Variants in IMPG2 observed in about 807,000 individuals in gnomAD.
IMPG2 encodes the protein interphotoreceptor matrix proteoglycan 2.
Under a neutral mutation model 129.2 loss-of-function variants are expected in IMPG2, and 91 were observed. That is an observed-to-expected ratio of 0.70 (90% CI 0.59 to 0.84). The LOEUF (loss-of-function observed/expected upper bound fraction) is 0.84, where lower values mean the gene tolerates loss of function less well. Among genes scored for constraint, IMPG2 ranks in the 40% least tolerant of loss-of-function variants. IMPG2 has a pLI of 0.00. For synonymous variants in IMPG2, 510 were observed against 517.7 expected (o/e 0.99, Z 0.20); for missense variants, 1,430 against 1,461.7 (o/e 0.98, Z 0.35).
At chr3:101,242,418 A>G (rs1367011239) in intron 14 of IMPG2, among the ~76,000 whole-genome samples, 1 of 152,192 alleles carries the variant, frequency 6.6e-6, no homozygotes, top group African/African-American at 2.4e-5. Context: ...TCCAGTAGGT[A>G]AATAAAAACC....
rs1706261499 is a variant in IMPG2, at chr3:101,229,477, T to C, written c.3536A>G (p.Gln1179Arg). ...GCTAGCAGAGCTGTAGAAGGGATGC[T>C]GAGGATAGGGTCCCTCATACTTCTC... ...GCEKYEGPYP[Q>R]HPFYSSASGD... The change falls in exon 17 of 19, where the codon CAG becomes CGG. Residue 1179 changes from glutamine (Q) to arginine (R), a missense_variant. Coordinates refer to ENST00000193391, the MANE Select transcript of IMPG2 (RefSeq NM_016247.4). 2 of 1,613,534 alleles carry C rather than the reference T, an allele frequency of 1.2e-6. No homozygotes were observed. Among genetic ancestry groups the C allele is most frequent in the Non-Finnish European group, 8.5e-7 (1 of 1,180,014 alleles).
chr3:101,235,558 CT>C (rs1241362127), intron 14 of IMPG2, among the ~76,000 whole-genome samples: 1 of 152,108 alleles, frequency 6.6e-6, no homozygotes, highest in African/African-American at 2.4e-5. Flanking sequence ...AAAATATAGC[CT>C]TTTTGCTTCC....
chr3:101,270,829 C>T (rs1458233426), intron 7 of IMPG2, among the ~76,000 whole-genome samples: 1 of 152,076 alleles, frequency 6.6e-6, no homozygotes, highest in African/African-American at 2.4e-5. Context: ...GGCAAAAATG[C>T]ATATTTTAAC....
chr3:101,271,124 GT>G (rs1325492377), intron 7 of IMPG2, among the ~76,000 whole-genome samples: 1 of 148,574 alleles, frequency 6.7e-6, no homozygotes, highest in Non-Finnish European at 1.5e-5. Flanking sequence ...ATAAAAAACT[GT>G]TATAATTCTT....
At chr3:101,303,336 G>A (rs1212671524) in intron 3 of IMPG2, among the ~76,000 whole-genome samples, 1 of 152,072 alleles carries the variant, frequency 6.6e-6, no homozygotes, top group South Asian at 2.1e-4. Flanking sequence ...ACATATACAA[G>A]CAATCATCAT....
At position 101,320,270 on chromosome 3, in the gene IMPG2, A is replaced by C. The variant is rs1445102168; in HGVS notation, c.85+18T>G. ...TACAGATATGGAAAGATAAAAACAA[A>C]TGTAGATTTTTAAATACCTGTTAAT... On this transcript the variant is annotated intron_variant, in intron 1 of 18. Transcript: ENST00000193391. 1 of 1,370,840 alleles carries C rather than the reference A, an allele frequency of 7.3e-7. No individual in the cohort carries two copies. Among genetic ancestry groups the C allele is most frequent in the Admixed American group, 1.7e-5 (1 of 59,262 alleles). The allele number at this position is 1,370,840 out of a possible 1,614,324, so 84.9% of individuals were successfully genotyped here.
At chr3:101,296,498 T>C (rs1230525323) in intron 3 of IMPG2, among the ~76,000 whole-genome samples, 1 of 152,220 alleles carries the variant, frequency 6.6e-6, no homozygotes, top group African/African-American at 2.4e-5. Context: ...GCATCAATGT[T>C]CATCAGGGAT....
rs1318000369 is a variant in IMPG2, at chr3:101,224,046, G to A, written c.*2923C>T. 1 of 152,224 alleles carries A rather than the reference G, an allele frequency of 6.6e-6. No homozygotes were observed. The highest frequency in any genetic ancestry group is 6.5e-5 in the Admixed American group (1 of 15,274). The allele number at this position is 152,224 out of a possible 1,614,324, so 9.4% of individuals were successfully genotyped here. On this transcript the variant is annotated 3_prime_UTR_variant, in exon 19 of 19. Transcript: ENST00000193391. Reference sequence around the variant, plus strand: ...TGTAACCCCAGCTACTCAGGAAGCTGAAGCACGAGAATCGCTTGAACCCAG... The same window carrying A: ...TGTAACCCCAGCTACTCAGGAAGCTAAAGCACGAGAATCGCTTGAACCCAG...
intron 3 of IMPG2, among the ~76,000 whole-genome samples, chr3:101,298,306 G>A (rs983757806): frequency 5.9e-5 from 9 of 151,674 alleles, no homozygotes; most frequent in African/African-American, 1.7e-4. Context: ...ATGTCAGATG[G>A]GTCTCCTGAA....
chr3:101,230,895 G>A (rs1706277924), intron 16 of IMPG2, 62 bp downstream of exon 16: 1 of 1,476,266 alleles, frequency 6.8e-7, no homozygotes, highest in Non-Finnish European at 9.4e-7. Flanking sequence ...CACCTGGTAA[G>A]TACTAAATAA....
At chr3:101,243,016 C>T (rs2107218452) in intron 13 of IMPG2, 109 bp from the exon 14 acceptor site, 1 of 838,446 alleles carries the variant, frequency 1.2e-6, no homozygotes, top group South Asian at 1.4e-5. Flanking sequence ...CTCACTTTTC[C>T]TAATTGTATT....
chr3:101,225,738 A>G lies in IMPG2; in HGVS notation c.*1231T>C, dbSNP rs1706214425. 1 of 152,172 alleles carries G rather than the reference A, an allele frequency of 6.6e-6. No individual in the cohort carries two copies. The highest frequency in any genetic ancestry group is 2.4e-5 in the African/African-American group (1 of 41,438). The allele number at this position is 152,172 out of a possible 1,614,324, so 9.4% of individuals were successfully genotyped here. A position where few individuals can be genotyped will look rare whatever the true frequency, so the allele number is the denominator to read the frequency against. On this transcript the variant is annotated 3_prime_UTR_variant, in exon 19 of 19. Transcript: ENST00000193391. ...CTGCATTAATAATAACCTATTGCATATGCAATTTAATATCATGATGATGAT... is the reference window on the plus strand; with the variant it reads ...CTGCATTAATAATAACCTATTGCATGTGCAATTTAATATCATGATGATGAT...
chr3:101,273,613 G>A lies in IMPG2; in HGVS notation c.796C>T (p.His266Tyr), dbSNP rs779927936. 3 of 1,613,974 alleles carry A rather than the reference G, an allele frequency of 1.9e-6. No homozygotes were observed. The Admixed American group carries it at 5.0e-5, about 27-fold the overall frequency. The change falls in exon 7 of 19, where the codon CAC becomes TAC. Residue 266 changes from histidine to tyrosine, a missense_variant. His to Tyr is a moderately conservative substitution (Grantham distance 83, BLOSUM62 2). Coordinates refer to ENST00000193391, the MANE Select transcript of IMPG2 (RefSeq NM_016247.4). ...EELQDSSSFH[H>Y]QHLEEEFISE... The stretch of plus-strand genomic sequence containing the variant: ...ATAAATTCTTCTTCAAGGTGCTGGT[G>A]GTGAAAGCTGGAGGAATCCTGTAGT...
chr3:101,302,093 C>A (rs1434873373), intron 3 of IMPG2, among the ~76,000 whole-genome samples: 1 of 152,168 alleles, frequency 6.6e-6, no homozygotes, highest in Non-Finnish European at 1.5e-5. Context: ...GAATGTTTAT[C>A]CCCAGCTCTT....
chr3:101,312,000 T>C (rs1707267227), intron 2 of IMPG2, among the ~76,000 whole-genome samples: 1 of 149,742 alleles, frequency 6.7e-6, no homozygotes, highest in Non-Finnish European at 1.5e-5. Context: ...TGCAAACTAA[T>C]AAATTTAGAT....
At chr3:101,295,332 A>G (rs780389000) in intron 3 of IMPG2, among the ~76,000 whole-genome samples, 1 of 152,216 alleles carries the variant, frequency 6.6e-6, no homozygotes, top group Non-Finnish European at 1.5e-5. Context: ...TTTATTAAAT[A>G]GGGAATTCTT....
intron 4 of IMPG2, among the ~76,000 whole-genome samples, chr3:101,282,946 A>G (rs560840157): frequency 2.5e-4 from 38 of 152,316 alleles, no homozygotes; most frequent in African/African-American, 9.1e-4. Flanking sequence ...AGGTTAAGTG[A>G]CATATTTATT....
chr3:101,237,331 GAGC>G (rs1559640948), intron 14 of IMPG2, among the ~76,000 whole-genome samples: 5 of 152,176 alleles, frequency 3.3e-5, no homozygotes, highest in Admixed American at 6.5e-5. Flanking sequence ...GCTCTGAAGA[GAGC>G]AGCAGATCTC....
At chr3:101,260,450 T>TA (rs1404698129) in intron 9 of IMPG2, among the ~76,000 whole-genome samples, 1 of 152,146 alleles carries the variant, frequency 6.6e-6, no homozygotes, top group Admixed American at 6.6e-5. Flanking sequence ...TAAAATATGC[T>TA]AAAATATCAA....
Sources: gnomAD v4.1 joint callset for allele counts (sites outside exome capture counted in the v4.1 genomes callset) on GRCh38, gnomAD v4.1.1 for gene constraint, MANE v1.5 for transcripts, NCBI Gene and HGNC (gene_info 2026-07-23, HGNC 2026-07-21) for gene names.